The following PYROXD2 variants were observed in gnomAD, a reference collection of about 807,000 sequenced individuals.
PYROXD2 encodes the protein pyridine nucleotide-disulphide oxidoreductase domain 2, also known as pyridine nucleotide-disulfide oxidoreductase domain-containing protein 2.
Under a neutral mutation model 71.1 loss-of-function variants are expected in PYROXD2, and 69 were observed. The ratio of observed to expected loss-of-function variants is 0.97; its 90% confidence interval spans 0.80 to 1.19. The LOEUF is 1.19. Ranked by LOEUF, PYROXD2 falls within the 50% of genes most tolerant of loss-of-function variation. The pLI is 0.00. For missense variants in PYROXD2, 745 were observed against 748.9 expected (o/e 0.99, Z 0.06); for synonymous variants, 287 against 302.7 (o/e 0.95, Z 0.54).
In PYROXD2 at chr10:98,411,272, C is replaced by A. The variant is rs61124254; in HGVS notation, c.128-314G>T. 3,458 of 385,614 alleles carry A rather than the reference C, an allele frequency of 9.0e-3. 104 individuals are homozygous for A. The highest frequency in any genetic ancestry group is 0.062 in the African/African-American group (2,976 of 48,190). 23.9% of individuals were successfully genotyped at this position (385,614 alleles called of 1,614,324 possible). A position where few individuals can be genotyped will look rare whatever the true frequency, so the allele number is the denominator to read the frequency against. On this transcript the variant is annotated intron_variant, in intron 1 of 15. Coordinates refer to ENST00000370575, the MANE Select transcript of PYROXD2 (RefSeq NM_032709.3). ...GCCAGGGCTTCCATTGCTTGGGAGGCGCAAGTGATGGTGTCTGAGGGAGCA... is the reference window on the plus strand; with the variant it reads ...GCCAGGGCTTCCATTGCTTGGGAGGAGCAAGTGATGGTGTCTGAGGGAGCA...
intron 4 of PYROXD2, among the ~76,000 whole-genome samples, chr10:98,405,155 C>T (rs1001312844): frequency 9.2e-5 from 14 of 152,224 alleles, no homozygotes; most frequent in African/African-American, 3.4e-4. Flanking sequence ...TGGATTCCAT[C>T]ATCCAGCGCA....
intron 5 of PYROXD2, among the ~76,000 whole-genome samples, chr10:98,398,041 C>T (rs1843258176): frequency 6.6e-6 from 1 of 151,932 alleles, no homozygotes; most frequent in Admixed American, 6.5e-5. Flanking sequence ...TGCCACCACG[C>T]CCGGCTAATT....
At chr10:98,390,796 G>A (rs1311950961) in intron 11 of PYROXD2, 42 bp from the exon 12 acceptor site, 2 of 1,540,450 alleles carry the variant, frequency 1.3e-6, no homozygotes, top group Non-Finnish European at 1.8e-6. Flanking sequence ...GCCCCACAAG[G>A]TCCTCCCTCT....
chr10:98,395,946 G>A (rs1474998134), intron 6 of PYROXD2, among the ~76,000 whole-genome samples: 1 of 152,180 alleles, frequency 6.6e-6, no homozygotes, highest in Non-Finnish European at 1.5e-5. Context: ...AGAAATCATG[G>A]TCTCTAGCCT....
intron 6 of PYROXD2, among the ~76,000 whole-genome samples, chr10:98,396,517 AG>A (rs1331432980): frequency 6.6e-6 from 1 of 152,190 alleles, no homozygotes; most frequent in African/African-American, 2.4e-5. Context: ...TATACCCTCA[AG>A]GAGGGTAGAA....
In PYROXD2 at chr10:98,397,343, A is replaced by C. The variant is rs1590954169; in HGVS notation, c.625+2T>G. The C allele has an allele frequency of 6.3e-7, 1 of 1,592,012 alleles. No homozygotes were observed. Among genetic ancestry groups the C allele is most frequent in the Non-Finnish European group, 8.6e-7 (1 of 1,166,106 alleles). ...TGCCCTGGTGCCTGCACTTGGACTT[A>C]CCTGCCTTCAGCAGGGGCTTGAGGG... is the stretch of plus-strand genomic sequence containing the variant. On this transcript the variant is annotated splice_donor_variant, in intron 6 of 15. Coordinates refer to ENST00000370575, the MANE Select transcript of PYROXD2 (RefSeq NM_032709.3). LOFTEE classifies it high-confidence loss of function.
chr10:98,385,880 G>A (rs778333497), intron 14 of PYROXD2, among the ~76,000 whole-genome samples: 1 of 152,100 alleles, frequency 6.6e-6, no homozygotes, highest in African/African-American at 2.4e-5. Context: ...CTTCCTTCCC[G>A]CTGCCTGGCC....
chr10:98,387,423 T>C (rs1842790520), intron 13 of PYROXD2, 116 bp from the exon 14 acceptor site: 1 of 671,896 alleles, frequency 1.5e-6, no homozygotes, highest in Admixed American at 2.9e-5. Context: ...AATGGGCTTA[T>C]TTTATCATAT....
intron 8 of PYROXD2, among the ~76,000 whole-genome samples, chr10:98,394,077 T>G (rs1398242424): frequency 1.3e-5 from 2 of 152,198 alleles, no homozygotes; most frequent in African/African-American, 4.8e-5. Context: ...CTGCTCCTCC[T>G]AGCATCACAC....
At chr10:98,405,564 C>T (rs939921640) in intron 4 of PYROXD2, among the ~76,000 whole-genome samples, 14 of 152,172 alleles carry the variant, frequency 9.2e-5, no homozygotes, top group African/African-American at 3.4e-4. Flanking sequence ...TGTTACTATT[C>T]CCTCTTACAG....
At chr10:98,383,900 C>G in intron 15 of PYROXD2, 32 bp from the exon 16 acceptor site, 1 of 1,604,658 alleles carries the variant, frequency 6.2e-7, no homozygotes, top group Non-Finnish European at 8.5e-7. Flanking sequence ...ACCAAAGCTC[C>G]GCTCAAAAAC....
chr10:98,384,517 C>T (rs1050735087), intron 15 of PYROXD2, among the ~76,000 whole-genome samples: 10 of 152,228 alleles, frequency 6.6e-5, no homozygotes, highest in Admixed American at 4.6e-4. Flanking sequence ...CTCCAGAGGC[C>T]GAGGCAGGAG....
At position 98,395,388 on chromosome 10, in the gene PYROXD2, C is replaced by T. The variant is rs756489631; in HGVS notation, c.687+3G>A. ...TCGGGCCTGAGGCTGGGGAACCACTCACCTTGGTAATGGGAGCTGTGAGGA... is the reference window on the plus strand; with the variant it reads ...TCGGGCCTGAGGCTGGGGAACCACTTACCTTGGTAATGGGAGCTGTGAGGA... On this transcript the variant is annotated splice_donor_region_variant and intron_variant, in intron 7 of 15. Coordinates refer to ENST00000370575, the MANE Select transcript of PYROXD2 (RefSeq NM_032709.3). 2.5e-6 allele frequency: 4 copies of T among 1,614,152 alleles called. No individual in the cohort carries two copies. In the East Asian group the frequency reaches 8.9e-5, roughly 36 times the overall value.
At chr10:98,399,961 C>T in intron 5 of PYROXD2, 141 bp downstream of exon 5, 1 of 997,742 alleles carries the variant, frequency 1.0e-6, no homozygotes, top group South Asian at 2.1e-5. Flanking sequence ...AGAGCTGCCA[C>T]CAACTGGAGC....
chr10:98,394,659 C>T (rs777524959), intron 8 of PYROXD2, among the ~76,000 whole-genome samples: 26 of 151,816 alleles, frequency 1.7e-4, no homozygotes, highest in African/African-American at 4.8e-4. Context: ...TGCCACCTCT[C>T]GGATTGGGCT....
intron 4 of PYROXD2, among the ~76,000 whole-genome samples, chr10:98,407,144 C>G (rs1843623854): frequency 6.6e-6 from 1 of 152,066 alleles, no homozygotes; most frequent in Non-Finnish European, 1.5e-5. Flanking sequence ...ATGAGACTCC[C>G]AGGAACCTTC....
intron 15 of PYROXD2, 38 bp downstream of exon 15, chr10:98,384,909 C>A: frequency 6.4e-7 from 1 of 1,566,530 alleles, no homozygotes; most frequent in Non-Finnish European, 8.6e-7. Context: ...GTGAGCCCTC[C>A]CAGTCCCCAC....
At chr10:98,413,645 C>T (rs1268715930) in intron 1 of PYROXD2, among the ~76,000 whole-genome samples, 26 of 152,126 alleles carry the variant, frequency 1.7e-4, no homozygotes, top group Admixed American at 1.3e-3. Context: ...ACCCAGGAGG[C>T]GGAGGTTGCA....
chr10:98,387,475 C>T (rs1354774931), intron 13 of PYROXD2, among the ~76,000 whole-genome samples, 168 bp from the exon 14 acceptor site: 2 of 152,196 alleles, frequency 1.3e-5, no homozygotes, highest in African/African-American at 4.8e-5. Context: ...AATCAGTCCA[C>T]AAGCAAATGA....
Sources: gnomAD v4.1 joint callset for allele counts (sites outside exome capture counted in the v4.1 genomes callset) on GRCh38, gnomAD v4.1.1 for gene constraint, MANE v1.5 for transcripts, NCBI Gene and HGNC (gene_info 2026-07-23, HGNC 2026-07-21) for gene names.